TLK1: variants seen among roughly 807,000 people sequenced by gnomAD.
TLK1 encodes the protein tousled like kinase 1.
Under a neutral mutation model 105.3 loss-of-function variants are expected in TLK1, and 24 were observed. That is an observed-to-expected ratio of 0.23 (90% CI 0.17 to 0.32). The LOEUF (loss-of-function observed/expected upper bound fraction) is 0.32. Ranked by LOEUF, TLK1 falls within the 10% of genes least tolerant of loss-of-function variation. The pLI, the probability that TLK1 is intolerant of heterozygous loss-of-function variation, is 1.00. For synonymous variants in TLK1, 321 were observed against 310.4 expected (o/e 1.03, Z -0.36); for missense variants, 558 against 910.5 (o/e 0.61, Z 4.98).
chr2:171,024,270 T>C (rs1221512512), intron 12 of TLK1, among the ~76,000 whole-genome samples: 1 of 152,120 alleles, frequency 6.6e-6, no homozygotes, highest in African/African-American at 2.4e-5. Flanking sequence ...TATTTAAAAA[T>C]GTGCTTTTTA....
intron 12 of TLK1, among the ~76,000 whole-genome samples, chr2:171,021,482 G>T: frequency 7.3e-6 from 1 of 137,900 alleles, no homozygotes; most frequent in African/African-American, 2.8e-5. Context: ...GTAGAGACAA[G>T]ATTTCCAACT....
chr2:171,082,215 T>C (rs757380278), intron 3 of TLK1, among the ~76,000 whole-genome samples: 2 of 152,090 alleles, frequency 1.3e-5, no homozygotes, highest in African/African-American at 2.4e-5. Flanking sequence ...AATTATACCA[T>C]GGATCCAAAT....
At chr2:171,133,324 C>T (rs1414603756) in intron 1 of TLK1, among the ~76,000 whole-genome samples, 2 of 152,246 alleles carry the variant, frequency 1.3e-5, no homozygotes, top group African/African-American at 2.4e-5. Flanking sequence ...TGAATTCAGG[C>T]GCAGGCTCAT....
intron 20 of TLK1, among the ~76,000 whole-genome samples, chr2:170,994,273 T>A (rs1261479618): frequency 6.6e-6 from 1 of 152,166 alleles, no homozygotes; most frequent in Admixed American, 6.5e-5. Context: ...TAAACAGTCC[T>A]CCCACCCTCA....
intron 2 of TLK1, among the ~76,000 whole-genome samples, chr2:171,111,766 G>C (rs1690182242): frequency 6.6e-6 from 1 of 152,138 alleles, no homozygotes; most frequent in Non-Finnish European, 1.5e-5. Flanking sequence ...TTATAAAACA[G>C]ATATGGTAGG....
At chr2:171,021,414 T>C (rs1345011172) in intron 12 of TLK1, among the ~76,000 whole-genome samples, 12 of 150,952 alleles carry the variant, frequency 7.9e-5, no homozygotes, top group Non-Finnish European at 1.0e-4. Context: ...CAGTTTTCTT[T>C]CCTGCTTTCC....
intron 2 of TLK1, among the ~76,000 whole-genome samples, chr2:171,100,389 T>A (rs1689636709): frequency 6.6e-6 from 1 of 152,154 alleles, no homozygotes; most frequent in African/African-American, 2.4e-5. Context: ...AGTGAGTTCT[T>A]ACTCTGGCAA....
chr2:171,053,731 T>G, intron 8 of TLK1, 30 bp downstream of exon 8: 1 of 1,493,092 alleles, frequency 6.7e-7, no homozygotes. Flanking sequence ...ATTTATTCAA[T>G]TTTTTTCCCC....
chr2:171,210,344 A>G (rs1309440420), intron 1 of TLK1, among the ~76,000 whole-genome samples: 3 of 151,462 alleles, frequency 2.0e-5, no homozygotes, highest in Non-Finnish European at 4.4e-5. Flanking sequence ...GCTATAGGAG[A>G]GAATGAACTC....
At chr2:171,168,636 A>G (rs1692657988) in intron 1 of TLK1, among the ~76,000 whole-genome samples, 1 of 152,228 alleles carries the variant, frequency 6.6e-6, no homozygotes, top group Admixed American at 6.5e-5. Flanking sequence ...GTTGGAAAGA[A>G]CTGGTGTCTA....
intron 11 of TLK1, among the ~76,000 whole-genome samples, chr2:171,039,998 A>T (rs1351030742): frequency 3.9e-5 from 6 of 152,154 alleles, no homozygotes; most frequent in African/African-American, 1.4e-4. Flanking sequence ...ATGAACACTC[A>T]CTATGCAAGA....
intron 1 of TLK1, among the ~76,000 whole-genome samples, chr2:171,129,004 G>A (rs182357607): frequency 2.0e-5 from 3 of 152,248 alleles, no homozygotes; most frequent in East Asian, 1.9e-4. Context: ...GCACGTGTCC[G>A]TGTCAGAGAC....
chr2:171,082,320 T>C (rs1688792710), intron 3 of TLK1, among the ~76,000 whole-genome samples: 2 of 151,800 alleles, frequency 1.3e-5, no homozygotes, highest in Admixed American at 1.3e-4. Context: ...TCAGATTTTT[T>C]AAAATACGAA....
chr2:171,176,828 AT>A (rs538049781), intron 1 of TLK1, among the ~76,000 whole-genome samples: 21 of 143,612 alleles, frequency 1.5e-4, no homozygotes, highest in African/African-American at 4.6e-4. Context: ...TCATCGGCCT[AT>A]TTTTTTTTTA....
chr2:171,079,836 C>T lies in TLK1; in HGVS notation c.330+2945G>A, dbSNP rs1575580769. On this transcript the variant is annotated intron_variant, in intron 3 of 20. Coordinates refer to ENST00000431350, the MANE Select transcript of TLK1 (RefSeq NM_012290.5). Reference sequence around the variant, plus strand: ...GATTCTGGATGTCTGAAAAAGAGTACTGGGTAGGAGAAAACGAAGTACAGA... The same window carrying T: ...GATTCTGGATGTCTGAAAAAGAGTATTGGGTAGGAGAAAACGAAGTACAGA... 4.6e-5 allele frequency among the ~76,000 whole-genome samples: 7 copies of T among 152,106 alleles called. No homozygotes were observed. In the South Asian group the frequency reaches 1.5e-3, roughly 32 times the overall value.
intron 1 of TLK1, among the ~76,000 whole-genome samples, chr2:171,224,161 A>G (rs372951972): frequency 2.0e-5 from 3 of 152,154 alleles, no homozygotes; most frequent in South Asian, 2.1e-4. Context: ...ATTCTTCCAC[A>G]TATGGCTATC....
intron 19 of TLK1, among the ~76,000 whole-genome samples, chr2:170,997,110 T>C (rs550677829): frequency 3.3e-5 from 5 of 152,320 alleles, no homozygotes; most frequent in African/African-American, 1.2e-4. Flanking sequence ...TCTATGACAA[T>C]TTCCAAAGAA....
chr2:171,121,059 C>CG (rs1690634373), intron 1 of TLK1, among the ~76,000 whole-genome samples: 2 of 151,974 alleles, frequency 1.3e-5, no homozygotes, highest in African/African-American at 4.8e-5. Flanking sequence ...TTGCCAGGGG[C>CG]TGGGGGTGTG....
intron 11 of TLK1, among the ~76,000 whole-genome samples, chr2:171,043,341 A>AT (rs1248329651): frequency 6.6e-6 from 1 of 152,176 alleles, no homozygotes; most frequent in African/African-American, 2.4e-5. Flanking sequence ...GAGAGTCTGA[A>AT]TGTTGGCAGT....
Sources: allele counts gnomAD v4.1 joint callset (sites outside exome capture counted in the v4.1 genomes callset), GRCh38; gene constraint gnomAD v4.1.1; transcripts MANE v1.5; gene names NCBI Gene and HGNC (gene_info 2026-07-23, HGNC 2026-07-21).